RFX6: variants seen among roughly 807,000 people sequenced by gnomAD.
RFX6 encodes regulatory factor X6, also known as DNA-binding protein RFX6.
RFX6 carries 50 observed loss-of-function variants against 110.8 expected under a neutral mutation model. The observed-to-expected ratio is 0.45, with a 90% CI of 0.36 to 0.57. RFX6 has a LOEUF of 0.57. Ranked by LOEUF, RFX6 falls within the 20% of genes least tolerant of loss-of-function variation. RFX6 has a pLI of 0.00. For synonymous variants in RFX6, 383 were observed against 411.2 expected, an observed-to-expected ratio of 0.93 and a Z score of 0.83; for missense variants, 990 against 1,127.0, an observed-to-expected ratio of 0.88 and a Z score of 1.74.
In RFX6 at chr6:116,931,837, T is replaced by TA. The variant is rs1775893257; in HGVS notation, c.*332dup. The stretch of plus-strand genomic sequence containing the variant: ...TTTATTAAACATCTGTGTGCCTTTT[T>TA]ATCTTTGGTTTCTTTTAAAAAGTAT... On this transcript the variant is annotated 3_prime_UTR_variant, in exon 19 of 19. Coordinates refer to ENST00000332958, the MANE Select transcript of RFX6 (RefSeq NM_173560.4). 4.3e-6 allele frequency: 1 copy of TA among 232,704 alleles called. No homozygotes were observed. The highest frequency in any genetic ancestry group is 8.4e-6 in the Non-Finnish European group (1 of 118,594). 14.4% of individuals were successfully genotyped at this position (232,704 alleles called of 1,614,324 possible). A position where few individuals can be genotyped will look rare whatever the true frequency, so the allele number is the denominator to read the frequency against.
At chr6:116,901,420 C>T (rs1347372271) in intron 6 of RFX6, among the ~76,000 whole-genome samples, 2 of 152,148 alleles carry the variant, frequency 1.3e-5, no homozygotes, top group African/African-American at 2.4e-5. Context: ...AGGAAAGATA[C>T]AGAACATTTC....
intron 14 of RFX6, chr6:116,923,499 T>G (rs1260608031): frequency 2.3e-6 from 1 of 439,486 alleles, no homozygotes; most frequent in Non-Finnish European, 4.2e-6. Flanking sequence ...GGTACTTTGG[T>G]GAGATGATGT....
chr6:116,919,384 T>C, intron 11 of RFX6, 88 bp downstream of exon 11: 2 of 1,213,720 alleles, frequency 1.6e-6, no homozygotes, highest in East Asian at 2.3e-5. Context: ...CTTTCATAGA[T>C]TGAAGGGAGC....
chr6:116,917,321 A>G (rs1262581296), intron 9 of RFX6, among the ~76,000 whole-genome samples: 5 of 148,252 alleles, frequency 3.4e-5, no homozygotes, highest in East Asian at 3.9e-4. Context: ...ATTTCAGAGG[A>G]GAGTAAGGAT....
intron 1 of RFX6, 136 bp downstream of exon 1, chr6:116,877,634 A>T: frequency 9.5e-7 from 1 of 1,053,234 alleles, no homozygotes. Context: ...GTATTTCCTC[A>T]GTAAAATGTC....
At chr6:116,889,715 A>G (rs1774778192) in intron 4 of RFX6, among the ~76,000 whole-genome samples, 1 of 152,122 alleles carries the variant, frequency 6.6e-6, no homozygotes, top group Non-Finnish European at 1.5e-5. Context: ...TAAAGGAGTT[A>G]GTAGACTTCC....
At chr6:116,919,030 A>G in intron 10 of RFX6, 107 bp from the exon 11 acceptor site, 1 of 1,055,356 alleles carries the variant, frequency 9.5e-7, no homozygotes, top group Non-Finnish European at 1.4e-6. Context: ...TCTGACTTCA[A>G]AAGTACTGCT....
At chr6:116,928,376 G>A (rs1469933676) in intron 17 of RFX6, among the ~76,000 whole-genome samples, 1 of 152,170 alleles carries the variant, frequency 6.6e-6, no homozygotes, top group Non-Finnish European at 1.5e-5. Flanking sequence ...ATACATGAAA[G>A]TAGTATTTTT....
intron 9 of RFX6, 70 bp downstream of exon 9, chr6:116,916,384 C>T: frequency 2.1e-6 from 2 of 945,070 alleles, no homozygotes; most frequent in East Asian, 2.4e-5. Context: ...TAAATTCTTG[C>T]AATATATTTT....
intron 7 of RFX6, among the ~76,000 whole-genome samples, chr6:116,913,506 T>C (rs1169336395): frequency 6.6e-6 from 1 of 152,226 alleles, no homozygotes; most frequent in Admixed American, 6.5e-5. Flanking sequence ...CTGTCTTTAG[T>C]GGAGCTAAGC....
chr6:116,880,907 T>C (rs530843099), intron 3 of RFX6, among the ~76,000 whole-genome samples: 1 of 152,182 alleles, frequency 6.6e-6, no homozygotes, highest in African/African-American at 2.4e-5. Flanking sequence ...GTTTAAGCAG[T>C]AGCATTTGCC....
Position 116,919,165 on chromosome 6 carries a change from A to T in RFX6, c.1051A>T (p.Lys351Ter). 8.7e-6 allele frequency: 14 copies of T among 1,613,542 alleles called. No homozygotes were observed. Among genetic ancestry groups the T allele is most frequent in the Non-Finnish European group, 1.2e-5 (14 of 1,179,574 alleles). The change falls in exon 11 of 19, where the codon AAA (lysine) becomes TAA (stop). Residue 351 changes from lysine (K) to a stop codon, truncating the protein, a stop_gained. Coordinates refer to ENST00000332958, the MANE Select transcript of RFX6 (RefSeq NM_173560.4). LOFTEE classifies it high-confidence loss of function. The part of the protein sequence containing the change: ...SLLADIRNFA[K>*]NWEQWVVSSL... ...ATTAGCAGACATAAGAAATTTTGCT[A>T]AAAATTGGGAACAGTGGGTTGTTTC...
intron 4 of RFX6, among the ~76,000 whole-genome samples, chr6:116,892,154 CTGT>C (rs1774844870): frequency 6.6e-6 from 1 of 152,202 alleles, no homozygotes; most frequent in African/African-American, 2.4e-5. Context: ...TTTGTTGCTG[CTGT>C]TGTTGTTTTG....
chr6:116,912,435 G>A (rs1303278719), intron 7 of RFX6, among the ~76,000 whole-genome samples: 1 of 151,972 alleles, frequency 6.6e-6, no homozygotes. Flanking sequence ...CTCAAACTAT[G>A]TTCACTTCTG....
chr6:116,912,407 C>T (rs1775372010), intron 7 of RFX6, among the ~76,000 whole-genome samples: 1 of 152,040 alleles, frequency 6.6e-6, no homozygotes, highest in African/African-American at 2.4e-5. Flanking sequence ...TTCTCAAATG[C>T]CAAATCCAAG....
intron 6 of RFX6, among the ~76,000 whole-genome samples, chr6:116,904,391 T>A (rs965457853): frequency 1.3e-5 from 2 of 152,148 alleles, no homozygotes; most frequent in South Asian, 2.1e-4. Context: ...TCTTGTTTTT[T>A]AAAAATTTGT....
intron 17 of RFX6, 106 bp from the exon 18 acceptor site, chr6:116,928,651 TAC>T (rs1775807345): frequency 2.6e-6 from 2 of 768,668 alleles, no homozygotes; most frequent in Non-Finnish European, 4.7e-6. Context: ...ATGTAATACT[TAC>T]AGTTTGATAT....
chr6:116,880,802 G>C (rs1259121518), intron 3 of RFX6, 135 bp downstream of exon 3: 1 of 953,132 alleles, frequency 1.0e-6, no homozygotes, highest in African/African-American at 1.6e-5. Flanking sequence ...ATTGTCTTAA[G>C]GACTCTGTTT....
intron 6 of RFX6, among the ~76,000 whole-genome samples, chr6:116,905,729 T>G (rs1191846073): frequency 1.3e-5 from 2 of 151,958 alleles, no homozygotes; most frequent in Non-Finnish European, 2.9e-5. Context: ...TTTTTGTATT[T>G]TTAGTAGAGA....
Sources: gnomAD v4.1 joint callset for allele counts (sites outside exome capture counted in the v4.1 genomes callset) on GRCh38, gnomAD v4.1.1 for gene constraint, MANE v1.5 for transcripts, NCBI Gene and HGNC (gene_info 2026-07-23, HGNC 2026-07-21) for gene names.